Variants in CDH4 observed in about 807,000 individuals in gnomAD.
CDH4 encodes cadherin 4, also known as cadherin-4.
Under a neutral mutation model 86.0 loss-of-function variants are expected in CDH4, and 33 were observed. The ratio of observed to expected loss-of-function variants is 0.38; its 90% CI spans 0.29 to 0.51. The LOEUF is 0.51. Ranked by LOEUF, CDH4 falls within the 20% of genes least tolerant of loss-of-function variation. The probability of loss-of-function intolerance (pLI) is 0.86; values close to 1 mark genes in which losing one functional copy is unlikely to be tolerated. For missense variants in CDH4, 1,114 were observed against 1,307.4 expected, an observed-to-expected ratio of 0.85 and a Z score of 2.28; for synonymous variants, 555 against 549.4, an observed-to-expected ratio of 1.01 and a Z score of -0.14.
rs558177327 is a variant in CDH4, at chr20:61,491,543, A to G, written c.169+236606A>G. Among the ~76,000 whole-genome samples the G allele has an allele frequency of 2.0e-5, 3 of 152,356 alleles. No individual in the cohort carries two copies. The South Asian group carries it at 6.2e-4, about 32-fold the overall frequency. ...TAATGGAAAGAATATTAAAGATACA[A>G]ACTGTGATTTAAAGATACGCAAAAA... On this transcript the variant is annotated intron_variant, in intron 2 of 15. Coordinates refer to ENST00000614565, the MANE Select transcript of CDH4 (RefSeq NM_001794.5).
At position 61,862,968 on chromosome 20, in the gene CDH4, G is replaced by A. The variant is rs559377641; in HGVS notation, c.877+10070G>A. Among the ~76,000 whole-genome samples, 8 of 151,890 alleles carry A rather than the reference G, an allele frequency of 5.3e-5. 1 individual carries two copies. The South Asian group carries it at 1.2e-3, about 24-fold the overall frequency. On this transcript the variant is annotated intron_variant, in intron 6 of 15. Coordinates refer to ENST00000614565, the MANE Select transcript of CDH4 (RefSeq NM_001794.5). ...TATTTATTTATTTTCTTTCTTTGCC[G>A]GCAGAAGTCCCCCTGAGGTTAATGC...
At position 61,658,853 on chromosome 20, in the gene CDH4, C is replaced by G. The variant is rs1428856037; in HGVS notation, c.170-84710C>G. On this transcript the variant is annotated intron_variant, in intron 2 of 15. Coordinates refer to ENST00000614565, the MANE Select transcript of CDH4 (RefSeq NM_001794.5). ...GGCCGAGGGAGGAGGTTGTCCTGTC[C>G]TAGTGAACCCAGGGAGGACCAGGGT... 2.6e-5 allele frequency among the ~76,000 whole-genome samples: 4 copies of G among 152,156 alleles called. No individual in the cohort carries two copies. In the East Asian group the frequency reaches 7.7e-4, roughly 29 times the overall value.
chr20:61,382,853 T>C (rs6121420), intron 2 of CDH4, among the ~76,000 whole-genome samples: 37,371 of 151,680 alleles, frequency 0.25, 4,991 homozygotes, highest in African/African-American at 0.34. Context: ...CCCAGGATCC[T>C]TAATGTCATT....
intron 2 of CDH4, among the ~76,000 whole-genome samples, chr20:61,527,255 CT>C (rs112861416): frequency 2.4e-3 from 351 of 145,872 alleles, no homozygotes; most frequent in Non-Finnish European, 2.3e-3. Flanking sequence ...AACATAAGAG[CT>C]TTTTTTTTTT....
intron 2 of CDH4, among the ~76,000 whole-genome samples, chr20:61,304,268 C>CCA (rs1049618074): frequency 6.6e-5 from 10 of 151,758 alleles, no homozygotes; most frequent in South Asian, 2.1e-4. Flanking sequence ...ACGGCACCCC[C>CCA]CCAACCCCCC....
chr20:61,699,411 C>T (rs367859570), intron 2 of CDH4, among the ~76,000 whole-genome samples: 19 of 152,324 alleles, frequency 1.2e-4, no homozygotes, highest in African/African-American at 4.6e-4. Context: ...GTTGCCAGGT[C>T]AGCGGGCACA....
At chr20:61,673,446 G>A (rs1434273380) in intron 2 of CDH4, among the ~76,000 whole-genome samples, 2 of 152,218 alleles carry the variant, frequency 1.3e-5, no homozygotes, top group Admixed American at 6.5e-5. Flanking sequence ...GAGGCTGCGT[G>A]CCTGGGCCCT....
chr20:61,545,961 CGTGTGT>C (rs149485653), intron 2 of CDH4, among the ~76,000 whole-genome samples: 831 of 48,294 alleles, frequency 0.017, 17 homozygotes, highest in African/African-American at 0.045. Context: ...GGTGTGTGTT[CGTGTGT>C]GTGTGTGTGT....
chr20:61,784,800 C>T (rs1376182926), intron 4 of CDH4, among the ~76,000 whole-genome samples: 1 of 152,130 alleles, frequency 6.6e-6, no homozygotes, highest in African/African-American at 2.4e-5. Context: ...CTCAGATGTC[C>T]TGTGCCCCCG....
chr20:61,589,059 C>T (rs940646786), intron 2 of CDH4, among the ~76,000 whole-genome samples: 4 of 152,192 alleles, frequency 2.6e-5, no homozygotes, highest in South Asian at 2.1e-4. Flanking sequence ...GAGGCTGGAG[C>T]GTGATTTCAG....
chr20:61,333,783 C>T (rs1600875290), intron 2 of CDH4, among the ~76,000 whole-genome samples: 1 of 152,220 alleles, frequency 6.6e-6, no homozygotes, highest in African/African-American at 2.4e-5. Flanking sequence ...CAAAATTAAC[C>T]CCTGGGCTGT....
chr20:61,781,431 A>G (rs1600981265), intron 4 of CDH4, among the ~76,000 whole-genome samples: 1 of 152,204 alleles, frequency 6.6e-6, no homozygotes, highest in Non-Finnish European at 1.5e-5. Context: ...AGAAAAAAAA[A>G]TTTGATACTC....
At chr20:61,523,263 C>G (rs973475968) in intron 2 of CDH4, among the ~76,000 whole-genome samples, 3 of 152,236 alleles carry the variant, frequency 2.0e-5, no homozygotes, top group African/African-American at 7.2e-5. Flanking sequence ...GCCTACTGAT[C>G]CAGGCGACTC....
intron 3 of CDH4, among the ~76,000 whole-genome samples, chr20:61,745,121 G>A (rs977438072): frequency 2.0e-5 from 3 of 152,226 alleles, no homozygotes; most frequent in Non-Finnish European, 2.9e-5. Context: ...CACGCAAGGC[G>A]GCGGCCACTA....
chr20:61,425,784 A>G (rs555846603), intron 2 of CDH4, among the ~76,000 whole-genome samples: 1 of 150,664 alleles, frequency 6.6e-6, no homozygotes, highest in Non-Finnish European at 1.5e-5. Context: ...CCAGGGCAGG[A>G]TGGCCAATTG....
intron 2 of CDH4, among the ~76,000 whole-genome samples, chr20:61,678,619 A>G (rs1322079545): frequency 1.3e-5 from 2 of 152,218 alleles, no homozygotes; most frequent in Non-Finnish European, 2.9e-5. Flanking sequence ...TGACAGAAAC[A>G]TCTTCTCTCC....
chr20:61,781,422 GA>G (rs1435964844), intron 4 of CDH4, among the ~76,000 whole-genome samples: 2 of 151,268 alleles, frequency 1.3e-5, no homozygotes, highest in Non-Finnish European at 3.0e-5. Flanking sequence ...AATCACAGCA[GA>G]AAAAAAAATT....
At chr20:61,345,021 AG>A (rs2084670198) in intron 2 of CDH4, among the ~76,000 whole-genome samples, 1 of 152,224 alleles carries the variant, frequency 6.6e-6, no homozygotes, top group Non-Finnish European at 1.5e-5. Context: ...GTCAAGTCCA[AG>A]GTAGAGCTAC....
intron 2 of CDH4, among the ~76,000 whole-genome samples, chr20:61,304,154 A>G (rs2427063): frequency 0.89 from 135,966 of 152,118 alleles, 61,680 homozygotes; most frequent in East Asian, 1. Flanking sequence ...AACTGTCTTC[A>G]CAGCCCCAGG....
Sources: gnomAD v4.1 joint callset for allele counts (sites outside exome capture counted in the v4.1 genomes callset) on GRCh38, gnomAD v4.1.1 for gene constraint, MANE v1.5 for transcripts, NCBI Gene and HGNC (gene_info 2026-07-23, HGNC 2026-07-21) for gene names.